GMDS: variants seen among roughly 807,000 people sequenced by gnomAD.
GMDS encodes the protein GDP-mannose 4,6-dehydratase, also known as GDP-mannose 4,6 dehydratase.
A neutral mutation model predicts 49.9 loss-of-function variants in GMDS; 20 were observed. The observed-to-expected ratio is 0.40, with a 90% CI of 0.28 to 0.58. The LOEUF (loss-of-function observed/expected upper bound fraction) is 0.58, where lower values mean the gene tolerates loss of function less well. GMDS is among the 20% of genes least tolerant of loss of function. The pLI, the probability that GMDS is intolerant of heterozygous loss-of-function variation, is 0.42. For synonymous variants in GMDS, 177 were observed against 178.6 expected (o/e 0.99, Z 0.07); for missense variants, 362 against 481.4 (o/e 0.75, Z 2.32).
intron 7 of GMDS, among the ~76,000 whole-genome samples, chr6:1,874,115 GC>G (rs924035278): frequency 2.0e-5 from 3 of 152,198 alleles, no homozygotes; most frequent in Admixed American, 2.0e-4. Context: ...GGACTGCACG[GC>G]CACTTGGCCT....
chr6:1,891,863 G>A (rs1759885678), intron 7 of GMDS, among the ~76,000 whole-genome samples: 1 of 152,164 alleles, frequency 6.6e-6, no homozygotes, highest in African/African-American at 2.4e-5. Context: ...CCAGGGCTGA[G>A]GTCATATGAC....
At chr6:1,898,507 T>C (rs1053404591) in intron 7 of GMDS, among the ~76,000 whole-genome samples, 1 of 152,114 alleles carries the variant, frequency 6.6e-6, no homozygotes, top group Non-Finnish European at 1.5e-5. Context: ...GGCAAAATAA[T>C]AGTTTCCACC....
intron 7 of GMDS, among the ~76,000 whole-genome samples, chr6:1,774,015 G>A (rs1768688613): frequency 6.6e-6 from 1 of 152,190 alleles, no homozygotes; most frequent in Non-Finnish European, 1.5e-5. Flanking sequence ...ACTATTTGAA[G>A]CCAAACATGA....
intron 7 of GMDS, among the ~76,000 whole-genome samples, chr6:1,840,047 A>C (rs1375630507): frequency 2.0e-5 from 3 of 152,242 alleles, no homozygotes; most frequent in African/African-American, 7.2e-5. Flanking sequence ...AGAAGCAATG[A>C]GAGGCGAGGA....
At chr6:2,130,092 C>A (rs1487924785) in intron 1 of GMDS, among the ~76,000 whole-genome samples, 1 of 152,070 alleles carries the variant, frequency 6.6e-6, no homozygotes, top group Non-Finnish European at 1.5e-5. Context: ...CTAAAAAATA[C>A]CGGGGAAATA....
intron 7 of GMDS, among the ~76,000 whole-genome samples, chr6:1,908,997 A>AG: frequency 6.6e-6 from 1 of 152,302 alleles, no homozygotes; most frequent in African/African-American, 2.4e-5. Flanking sequence ...TGAGATTCCC[A>AG]GGGGAAAAAA....
chr6:1,653,068 G>A (rs1273212093), intron 9 of GMDS, among the ~76,000 whole-genome samples: 1 of 151,706 alleles, frequency 6.6e-6, no homozygotes, highest in Non-Finnish European at 1.5e-5. Context: ...CCTACTGCTC[G>A]GCAGCCTTGA....
chr6:1,728,944 G>GT (rs1227207965), intron 8 of GMDS, among the ~76,000 whole-genome samples: 1 of 148,158 alleles, frequency 6.7e-6, no homozygotes, highest in African/African-American at 2.5e-5. Flanking sequence ...CTCCAGGACA[G>GT]TAAAAAAAAA....
At chr6:2,059,826 G>T (rs1771036243) in intron 4 of GMDS, among the ~76,000 whole-genome samples, 1 of 150,560 alleles carries the variant, frequency 6.6e-6, no homozygotes, top group African/African-American at 2.4e-5. Context: ...AATTCTGACA[G>T]GGCGAAGCTC....
intron 7 of GMDS, among the ~76,000 whole-genome samples, chr6:1,839,088 A>G (rs1051360858): frequency 3.9e-5 from 6 of 152,114 alleles, no homozygotes; most frequent in African/African-American, 1.4e-4. Flanking sequence ...CAATTCATCT[A>G]ATTTCATAGT....
chr6:1,976,574 G>T (rs1259896543), intron 4 of GMDS, among the ~76,000 whole-genome samples: 1 of 152,082 alleles, frequency 6.6e-6, no homozygotes, highest in Admixed American at 6.5e-5. Context: ...GCTTCTAATG[G>T]AGAATAATTT....
intron 1 of GMDS, among the ~76,000 whole-genome samples, chr6:2,152,102 T>C (rs1238811924): frequency 1.3e-5 from 2 of 152,132 alleles, no homozygotes; most frequent in African/African-American, 2.4e-5. Flanking sequence ...AATCTGAAAA[T>C]ATCAATATAG....
At chr6:2,064,044 AGAAT>A (rs1771360496) in intron 4 of GMDS, among the ~76,000 whole-genome samples, 1 of 152,254 alleles carries the variant, frequency 6.6e-6, no homozygotes, top group African/African-American at 2.4e-5. Context: ...AAAGATAGGA[AGAAT>A]GAATAATTAA....
chr6:2,123,350 CA>C (rs1247311214), intron 2 of GMDS, among the ~76,000 whole-genome samples: 1 of 152,194 alleles, frequency 6.6e-6, no homozygotes, highest in Non-Finnish European at 1.5e-5. Context: ...TGGTTTTGAG[CA>C]TCACTTCTGA....
chr6:2,073,079 G>A (rs1210337853), intron 4 of GMDS, among the ~76,000 whole-genome samples: 5 of 152,220 alleles, frequency 3.3e-5, no homozygotes, highest in Admixed American at 3.3e-4. Context: ...TAGACAGTCA[G>A]TGCACAGGGA....
intron 7 of GMDS, among the ~76,000 whole-genome samples, chr6:1,898,609 G>C (rs1760342879): frequency 6.6e-6 from 1 of 152,154 alleles, no homozygotes; most frequent in South Asian, 2.1e-4. Flanking sequence ...TGACCTCACA[G>C]TCTAGCATGG....
chr6:1,917,325 G>A (rs894250344), intron 7 of GMDS, among the ~76,000 whole-genome samples: 1 of 152,150 alleles, frequency 6.6e-6, no homozygotes, highest in African/African-American at 2.4e-5. Flanking sequence ...GGCAGAGCAG[G>A]GCTGGAACCC....
chr6:1,688,687 G>A (rs1434293363), intron 9 of GMDS, among the ~76,000 whole-genome samples: 1 of 152,196 alleles, frequency 6.6e-6, no homozygotes, highest in East Asian at 1.9e-4. Context: ...TATGTTAAAC[G>A]TATTTCTGTA....
chr6:1,757,300 C>G (rs916754835), intron 7 of GMDS, among the ~76,000 whole-genome samples: 1 of 152,160 alleles, frequency 6.6e-6, no homozygotes, highest in Non-Finnish European at 1.5e-5. Context: ...CCACTGCTGT[C>G]ACAACGTACT....
Sources: gnomAD v4.1 joint callset for allele counts (sites outside exome capture counted in the v4.1 genomes callset) on GRCh38, gnomAD v4.1.1 for gene constraint, MANE v1.5 for transcripts, NCBI Gene and HGNC (gene_info 2026-07-23, HGNC 2026-07-21) for gene names.